MYO5C: variants seen among roughly 807,000 people sequenced by gnomAD.
The protein encoded by MYO5C is unconventional myosin-Vc.
MYO5C carries 194 observed loss-of-function variants against 235.7 expected under a neutral mutation model. The observed-to-expected ratio is 0.82, with a 90% CI of 0.73 to 0.93. The LOEUF (loss-of-function observed/expected upper bound fraction) is 0.93. Ranked by LOEUF, MYO5C falls within the 40% of genes least tolerant of loss-of-function variation. The pLI, the probability that MYO5C is intolerant of heterozygous loss-of-function variation, is 0.00. For synonymous variants in MYO5C, 707 were observed against 754.8 expected (o/e 0.94, Z 1.04); for missense variants, 2,038 against 2,127.2 (o/e 0.96, Z 0.82).
chr15:52,231,451 T>C (rs2035948354), intron 24 of MYO5C, among the ~76,000 whole-genome samples: 1 of 152,224 alleles, frequency 6.6e-6, no homozygotes, highest in Non-Finnish European at 1.5e-5. Flanking sequence ...AAGTGGTCCC[T>C]GCACGTGGAC....
At chr15:52,234,511 C>T (rs1287133868) in intron 23 of MYO5C, among the ~76,000 whole-genome samples, 1 of 152,004 alleles carries the variant, frequency 6.6e-6, no homozygotes, top group African/African-American at 2.4e-5. Flanking sequence ...AACAACCACC[C>T]AAGAGGAGTG....
chr15:52,244,992 A>G (rs1295984289), intron 18 of MYO5C, among the ~76,000 whole-genome samples: 1 of 152,214 alleles, frequency 6.6e-6, no homozygotes, highest in African/African-American at 2.4e-5. Flanking sequence ...TCATCGCTGC[A>G]GCAATGATGT....
At chr15:52,294,224 A>C (rs1032750739) in intron 1 of MYO5C, among the ~76,000 whole-genome samples, 5 of 152,290 alleles carry the variant, frequency 3.3e-5, no homozygotes, top group African/African-American at 1.2e-4. Flanking sequence ...AAATAGGTTC[A>C]GCAGCAGCAT....
intron 11 of MYO5C, among the ~76,000 whole-genome samples, chr15:52,256,275 C>G (rs975522161): frequency 6.6e-6 from 1 of 152,006 alleles, no homozygotes; most frequent in Non-Finnish European, 1.5e-5. Context: ...GGGGAAATAA[C>G]AGGAGCACGT....
intron 1 of MYO5C, 36 bp from the exon 2 acceptor site, chr15:52,282,928 C>T (rs2037191430): frequency 7.2e-7 from 1 of 1,395,648 alleles, no homozygotes; most frequent in Non-Finnish European, 1.0e-6. Flanking sequence ...AATTTCAGGA[C>T]TTCCAAAATT....
At chr15:52,285,899 G>T (rs1227277961) in intron 1 of MYO5C, among the ~76,000 whole-genome samples, 1 of 152,156 alleles carries the variant, frequency 6.6e-6, no homozygotes, top group Non-Finnish European at 1.5e-5. Flanking sequence ...ACCCCATCTG[G>T]GAAGTGAGGA....
intron 6 of MYO5C, among the ~76,000 whole-genome samples, chr15:52,272,154 C>T (rs948340194): frequency 2.6e-5 from 4 of 152,218 alleles, no homozygotes; most frequent in African/African-American, 7.2e-5. Flanking sequence ...TGTTGCTCTC[C>T]TCCTGGGCCA....
rs72623978 is a variant in MYO5C, at chr15:52,292,059, C to T, written c.27+3551G>A. Among the ~76,000 whole-genome samples the T allele has an allele frequency of 3.4e-3, 511 of 152,260 alleles. 19 individuals carry two copies. In the East Asian group the frequency reaches 0.091, roughly 27 times the overall value. ...CGGCCGCATATTTTATATTTATCTT[C>T]ATACAGTATATAAACTGTTGTGCCC... On this transcript the variant is annotated intron_variant, in intron 1 of 40. Coordinates refer to ENST00000261839, the MANE Select transcript of MYO5C (RefSeq NM_018728.4).
rs956279484 is a variant in MYO5C, at chr15:52,279,591, A to G, written c.222T>C (p.Ala74=). Residue 74 remains alanine, a synonymous_variant, in exon 3 of 41, where the codon GCT becomes GCC. Transcript: ENST00000261839. ...DILVGENDLT[A]LSYLHEPAVL... ...CCGCGGGCTCGTGAAGATAGCTGAG[A>G]GCCGTGAGGTCATTCTCGCCCACGA... 1 of 1,614,144 alleles carries G rather than the reference A, an allele frequency of 6.2e-7. No homozygotes were observed. The highest frequency in any genetic ancestry group is 8.5e-7 in the Non-Finnish European group (1 of 1,179,998).
At chr15:52,227,322 G>A (rs1051496086) in intron 25 of MYO5C, among the ~76,000 whole-genome samples, 1 of 149,458 alleles carries the variant, frequency 6.7e-6, no homozygotes, top group African/African-American at 2.5e-5. Context: ...AGCCTCCCGA[G>A]TAGCTGGGAC....
intron 1 of MYO5C, among the ~76,000 whole-genome samples, chr15:52,284,361 T>A (rs1338854670): frequency 6.6e-6 from 1 of 150,890 alleles, no homozygotes; most frequent in Non-Finnish European, 1.5e-5. Context: ...CCTATGTGAG[T>A]CCCTTCAAAT....
chr15:52,289,419 C>G (rs1040593374), intron 1 of MYO5C, among the ~76,000 whole-genome samples: 1 of 152,068 alleles, frequency 6.6e-6, no homozygotes, highest in African/African-American at 2.4e-5. Context: ...TCCAGTGATG[C>G]CGACGCTCCT....
At chr15:52,194,160 T>G in intron 40 of MYO5C, 106 bp from the exon 41 acceptor site, 3 of 1,030,384 alleles carry the variant, frequency 2.9e-6, no homozygotes, top group Non-Finnish European at 2.8e-6. Context: ...GGAGAGCTCC[T>G]TGCACCATCA....
intron 7 of MYO5C, among the ~76,000 whole-genome samples, chr15:52,271,481 A>G (rs775435937): frequency 6.6e-6 from 1 of 151,952 alleles, no homozygotes; most frequent in African/African-American, 2.4e-5. Context: ...CACCCTCCTC[A>G]GCCTCCCAAA....
At chr15:52,277,336 C>T (rs1041370998) in intron 4 of MYO5C, 1 of 480,252 alleles carries the variant, frequency 2.1e-6, no homozygotes, top group Non-Finnish European at 4.1e-6. Context: ...AAGAGCTCAT[C>T]CCACCCATAC....
chr15:52,209,678 G>A (rs1050779201), intron 35 of MYO5C, among the ~76,000 whole-genome samples: 3 of 152,102 alleles, frequency 2.0e-5, no homozygotes, highest in Non-Finnish European at 2.9e-5. Context: ...TGTGTGTCCT[G>A]GGCTGGAACA....
At chr15:52,237,814 T>C (rs1480341996) in intron 21 of MYO5C, among the ~76,000 whole-genome samples, 168 bp from the exon 22 acceptor site, 1 of 152,190 alleles carries the variant, frequency 6.6e-6, no homozygotes, top group Non-Finnish European at 1.5e-5. Context: ...GGTGAAACAG[T>C]ATGGCAGATC....
chr15:52,259,053 G>A (rs1049026303), intron 10 of MYO5C, among the ~76,000 whole-genome samples: 4 of 152,172 alleles, frequency 2.6e-5, no homozygotes, highest in African/African-American at 9.7e-5. Context: ...CACGGTGGCA[G>A]GAGCCGTACA....
chr15:52,211,372 T>C (rs996974228), intron 35 of MYO5C, among the ~76,000 whole-genome samples: 2 of 152,192 alleles, frequency 1.3e-5, no homozygotes, highest in African/African-American at 4.8e-5. Flanking sequence ...AATTATATAA[T>C]TGCCAAGGGA....
Sources: gnomAD v4.1 joint callset for allele counts (sites outside exome capture counted in the v4.1 genomes callset) on GRCh38, gnomAD v4.1.1 for gene constraint, MANE v1.5 for transcripts, NCBI Gene and HGNC (gene_info 2026-07-23, HGNC 2026-07-21) for gene names.